The following SENP6 variants were observed in gnomAD, a reference collection of about 807,000 sequenced individuals.
The protein encoded by SENP6 is sentrin-specific protease 6.
SENP6 carries 41 observed loss-of-function variants against 134.5 expected under a neutral mutation model. The observed-to-expected ratio is 0.30, with a 90% CI of 0.24 to 0.40. SENP6 has a LOEUF of 0.40. Ranked by LOEUF, SENP6 falls within the 10% of genes least tolerant of loss-of-function variation. The probability of loss-of-function intolerance (pLI) is 1.00; values close to 1 mark genes in which losing one functional copy is unlikely to be tolerated. For synonymous variants in SENP6, 395 were observed against 429.8 expected, an observed-to-expected ratio of 0.92 and a Z score of 1.00; for missense variants, 1,248 against 1,312.5, an observed-to-expected ratio of 0.95 and a Z score of 0.76.
chr6:75,625,859 A>G (rs918012358), intron 3 of SENP6, among the ~76,000 whole-genome samples: 1 of 152,134 alleles, frequency 6.6e-6, no homozygotes, highest in Non-Finnish European at 1.5e-5. Flanking sequence ...ACAGAGCGAG[A>G]CTCAGTCTCC....
At chr6:75,640,743 TG>T in intron 6 of SENP6, 39 bp downstream of exon 6, 1 of 1,241,040 alleles carries the variant, frequency 8.1e-7, no homozygotes, top group South Asian at 1.7e-5. Context: ...ATGGATATAG[TG>T]GTAAAATATA....
chr6:75,683,698 G>T (rs1304585068), intron 16 of SENP6, among the ~76,000 whole-genome samples: 1 of 152,198 alleles, frequency 6.6e-6, no homozygotes, highest in Non-Finnish European at 1.5e-5. Context: ...TCAAAGATCA[G>T]ATGGTTGTAG....
intron 8 of SENP6, among the ~76,000 whole-genome samples, chr6:75,662,385 T>TCAGC (rs1304425052): frequency 1.3e-5 from 2 of 152,112 alleles, no homozygotes; most frequent in Non-Finnish European, 2.9e-5. Flanking sequence ...TCCTACTGCG[T>TCAGC]CAGCCTCCCA....
intron 16 of SENP6, among the ~76,000 whole-genome samples, chr6:75,682,972 A>G (rs557952678): frequency 1.2e-4 from 18 of 152,314 alleles, no homozygotes; most frequent in African/African-American, 4.3e-4. Flanking sequence ...ATCCTTGAGG[A>G]ATCGCCACAC....
intron 11 of SENP6, 119 bp from the exon 12 acceptor site, chr6:75,675,316 C>G (rs1456658680): frequency 1.7e-6 from 1 of 588,412 alleles, no homozygotes; most frequent in Non-Finnish European, 3.0e-6. Context: ...ACCAACTTCT[C>G]TGTGGGATTT....
At chr6:75,713,186 T>A (rs1775851681) in intron 21 of SENP6, among the ~76,000 whole-genome samples, 1 of 152,180 alleles carries the variant, frequency 6.6e-6, no homozygotes, top group Admixed American at 6.5e-5. Context: ...GGATGTTCAA[T>A]TTTTCAGAAT....
At chr6:75,651,582 G>C (rs1235440957) in intron 7 of SENP6, among the ~76,000 whole-genome samples, 1 of 152,072 alleles carries the variant, frequency 6.6e-6, no homozygotes, top group Non-Finnish European at 1.5e-5. Context: ...AGGCTTCTGG[G>C]CTCCAGCGAT....
At chr6:75,708,587 C>G (rs1490002922) in intron 19 of SENP6, among the ~76,000 whole-genome samples, 1 of 152,016 alleles carries the variant, frequency 6.6e-6, no homozygotes, top group African/African-American at 2.4e-5. Flanking sequence ...GAGAGAAATC[C>G]TGTCTCTTAA....
intron 1 of SENP6, chr6:75,611,083 T>G (rs937963133): frequency 7.0e-6 from 1 of 141,874 alleles, no homozygotes; most frequent in African/African-American, 2.5e-5. Flanking sequence ...TACAACTTTC[T>G]ACCTTCATAA....
chr6:75,714,071 C>G (rs1284823216), intron 23 of SENP6, among the ~76,000 whole-genome samples: 1 of 152,174 alleles, frequency 6.6e-6, no homozygotes, highest in African/African-American at 2.4e-5. Context: ...CCTGCCCTCT[C>G]TACTAGCTCT....
intron 1 of SENP6, among the ~76,000 whole-genome samples, chr6:75,609,016 T>C (rs1014216949): frequency 6.6e-6 from 1 of 152,236 alleles, no homozygotes; most frequent in Non-Finnish European, 1.5e-5. Context: ...TTACATACTT[T>C]GTATGTCTAG....
chr6:75,656,185 G>A (rs899911502), intron 7 of SENP6, among the ~76,000 whole-genome samples: 40 of 141,394 alleles, frequency 2.8e-4, no homozygotes, highest in Middle Eastern at 3.8e-3. Context: ...CTGCACTCCA[G>A]CCTGGGCGAC....
intron 18 of SENP6, among the ~76,000 whole-genome samples, chr6:75,701,804 T>C (rs1775053053): frequency 6.6e-6 from 1 of 151,922 alleles, no homozygotes; most frequent in Admixed American, 6.6e-5. Context: ...CACGCCCAGC[T>C]AATTTTCTGT....
intron 2 of SENP6, among the ~76,000 whole-genome samples, chr6:75,622,007 T>C (rs1768311138): frequency 6.6e-6 from 1 of 152,196 alleles, no homozygotes; most frequent in Non-Finnish European, 1.5e-5. Flanking sequence ...GCATTTTGTA[T>C]GAAAGTTTAA....
intron 1 of SENP6, among the ~76,000 whole-genome samples, chr6:75,615,949 T>A (rs887873556): frequency 1.3e-5 from 2 of 152,216 alleles, no homozygotes; most frequent in African/African-American, 4.8e-5. Context: ...CATAGACATT[T>A]AGGTTTTTGC....
chr6:75,676,687 C>G (rs188242658), intron 13 of SENP6: 92 of 166,584 alleles, frequency 5.5e-4, no homozygotes, highest in African/African-American at 1.9e-3. Context: ...TGGCAATTTT[C>G]TATTTGTGTT....
rs1332548684 is a variant in SENP6, at chr6:75,697,413, T to C, written c.2196-12T>C. ...ATATTTCAGAAGCTTATAATTTATC[T>C]CTTTCTTACAGAATACAGCAAAAAC... is the stretch of plus-strand genomic sequence containing the variant. On this transcript the variant is annotated splice_polypyrimidine_tract_variant and intron_variant, in intron 17 of 23. Transcript: ENST00000447266. 2 of 1,572,616 alleles carry C rather than the reference T, an allele frequency of 1.3e-6. No individual in the cohort carries two copies. The highest frequency in any genetic ancestry group is 1.7e-6 in the Non-Finnish European group (2 of 1,149,744).
At chr6:75,603,064 C>T (rs1469909057) in intron 1 of SENP6, among the ~76,000 whole-genome samples, 4 of 152,168 alleles carry the variant, frequency 2.6e-5, no homozygotes, top group Admixed American at 1.3e-4. Context: ...CTTTTGCAGC[C>T]AGCCTTCAGA....
intron 19 of SENP6, among the ~76,000 whole-genome samples, chr6:75,704,439 C>T (rs1034431040): frequency 6.6e-6 from 1 of 152,246 alleles, no homozygotes; most frequent in African/African-American, 2.4e-5. Flanking sequence ...ACCCAAACAT[C>T]TCAGTGGAGT....
Sources: allele counts gnomAD v4.1 joint callset (sites outside exome capture counted in the v4.1 genomes callset), GRCh38; gene constraint gnomAD v4.1.1; transcripts MANE v1.5; gene names NCBI Gene and HGNC (gene_info 2026-07-23, HGNC 2026-07-21).